ITPR3: variants seen among roughly 807,000 people sequenced by gnomAD.
The protein encoded by ITPR3 is inositol 1,4,5-trisphosphate-gated calcium channel ITPR3.
A neutral mutation model predicts 293.2 loss-of-function variants in ITPR3; 173 were observed. That is an observed-to-expected ratio of 0.59 (90% CI 0.52 to 0.67). The LOEUF is 0.67. Ranked by LOEUF, ITPR3 falls within the 30% of genes least tolerant of loss-of-function variation. ITPR3 has a pLI of 0.00. For synonymous variants in ITPR3, 1,295 were observed against 1,444.4 expected, an observed-to-expected ratio of 0.90 and a Z score of 2.35; for missense variants, 2,796 against 3,592.1, an observed-to-expected ratio of 0.78 and a Z score of 5.66.
In ITPR3 at chr6:33,679,394, G is replaced by A. The variant is rs980582036; in HGVS notation, c.3973-488G>A. Reference sequence around the variant, plus strand: ...ACAGTGTAGGCGGCAGGGGGAGAAAGAAGCAAACACTGAAGGGAGATTAGG... The same window carrying A: ...ACAGTGTAGGCGGCAGGGGGAGAAAAAAGCAAACACTGAAGGGAGATTAGG... On this transcript the variant is annotated intron_variant, in intron 30 of 57. Coordinates refer to ENST00000605930, the MANE Select transcript of ITPR3 (RefSeq NM_002224.4). The surrounding 1 kb of genome is among the most constrained non-coding windows in gnomAD (Gnocchi z 4.2). Among the ~76,000 whole-genome samples the A allele has an allele frequency of 2.6e-5, 4 of 152,216 alleles. No homozygotes were observed. The highest frequency in any genetic ancestry group is 5.9e-5 in the Non-Finnish European group (4 of 68,026).
chr6:33,675,109 A>C lies in ITPR3; in HGVS notation c.3117-582A>C, dbSNP rs1764870792. ...ATCCATGAATCCCCCGCATGGTGGC[A>C]GTGGGATCTGTGTTAAGAGTCCTTG... On this transcript the variant is annotated intron_variant, in intron 24 of 57. Coordinates refer to ENST00000605930, the MANE Select transcript of ITPR3 (RefSeq NM_002224.4). This position sits in a 1 kb window ranked among gnomAD's most constrained non-coding sequence, Gnocchi z 5.0. 6.6e-6 allele frequency among the ~76,000 whole-genome samples: 1 copy of C among 152,194 alleles called. No individual in the cohort carries two copies. The highest frequency in any genetic ancestry group is 2.1e-4 in the South Asian group (1 of 4,828).
chr6:33,655,744 C>A lies in ITPR3; in HGVS notation c.161-22C>A. 6.2e-7 allele frequency: 1 copy of A among 1,613,782 alleles called. No individual in the cohort carries two copies. Reference sequence around the variant, plus strand: ...AGCCCCAGATGAATCATTCCCCTCACCCCCAACCTGCCCCACCACAGACTG... The same window carrying A: ...AGCCCCAGATGAATCATTCCCCTCAACCCCAACCTGCCCCACCACAGACTG... On this transcript the variant is annotated intron_variant, in intron 2 of 57. Coordinates refer to ENST00000605930, the MANE Select transcript of ITPR3 (RefSeq NM_002224.4). This position sits in a 1 kb window ranked among gnomAD's most constrained non-coding sequence, Gnocchi z 4.9.
intron 7 of ITPR3, among the ~76,000 whole-genome samples, chr6:33,662,162 C>T (rs59962157): frequency 1.3e-4 from 20 of 151,990 alleles, no homozygotes; most frequent in Non-Finnish European, 2.8e-4. Flanking sequence ...GCCATGGCCC[C>T]GGGGACACTG....
rs542830036 is a variant in ITPR3, at chr6:33,633,813, G to GGCGGGGCGGGC, written c.90-6649_90-6639dup. ...AGCTCGCGGGCCGGGCCAGGCTGGG[G>GGCGGGGCGGGC]GCGGGGCGGGCGCGGGGCGGGCGCG... is the stretch of plus-strand genomic sequence containing the variant. On this transcript the variant is annotated intron_variant, in intron 1 of 57. Coordinates refer to ENST00000605930, the MANE Select transcript of ITPR3 (RefSeq NM_002224.4). This position sits in a 1 kb window ranked among gnomAD's most constrained non-coding sequence, Gnocchi z 5.2. Among the ~76,000 whole-genome samples, 40 of 141,142 alleles carry GGCGGGGCGGGC rather than the reference G, an allele frequency of 2.8e-4. No individual in the cohort carries two copies. The highest frequency in any genetic ancestry group is 6.6e-4 in the South Asian group (3 of 4,518). 92.6% of individuals were successfully genotyped at this position (141,142 alleles called of 152,430 possible). A position where few individuals can be genotyped will look rare whatever the true frequency, so the allele number is the denominator to read the frequency against.
At chr6:33,685,326 T>G in intron 39 of ITPR3, 33 bp from the exon 40 acceptor site, 1 of 1,588,404 alleles carries the variant, frequency 6.3e-7, no homozygotes, top group Non-Finnish European at 8.6e-7. Context: ...GGCCCAGTGC[T>G]GAGGTTGTTC....
At chr6:33,677,202 A>G in intron 27 of ITPR3, 113 bp downstream of exon 27, 3 of 988,934 alleles carry the variant, frequency 3.0e-6, no homozygotes, top group Non-Finnish European at 4.7e-6. Flanking sequence ...CCCTCACAAG[A>G]GACATCTTTC....
chr6:33,657,639 A>G (rs140027672), intron 3 of ITPR3, among the ~76,000 whole-genome samples: 48 of 151,908 alleles, frequency 3.2e-4, no homozygotes, highest in East Asian at 5.8e-4. Context: ...GGGATGCTCA[A>G]GGTCCTGCTG....
At position 33,666,111 on chromosome 6, in the gene ITPR3, A is replaced by C. The variant is rs1764603305; in HGVS notation, c.1551+135A>C. The C allele has an allele frequency of 2.0e-6, 2 of 997,648 alleles. No individual in the cohort carries two copies. Among genetic ancestry groups the C allele is most frequent in the Non-Finnish European group, 2.9e-6 (2 of 697,938 alleles). 61.8% of individuals were successfully genotyped at this position (997,648 alleles called of 1,614,324 possible). A position where few individuals can be genotyped will look rare whatever the true frequency, so the allele number is the denominator to read the frequency against. On this transcript the variant is annotated intron_variant, in intron 14 of 57. Transcript: ENST00000605930. The surrounding 1 kb of genome is among the most constrained non-coding windows in gnomAD (Gnocchi z 5.1). ...CGACCACGTGCCAGGGACTTCCCTA[A>C]GTACCCCACATGTGTTGACGAATTT...
chr6:33,629,950 G>T (rs1307963779), intron 1 of ITPR3, among the ~76,000 whole-genome samples: 1 of 152,028 alleles, frequency 6.6e-6, no homozygotes, highest in Non-Finnish European at 1.5e-5. Context: ...AATTAGCTGG[G>T]CATCGTGGCA....
chr6:33,695,393 G>C, intron 57 of ITPR3: 1 of 560,948 alleles, frequency 1.8e-6, no homozygotes, highest in South Asian at 2.2e-5. Flanking sequence ...CATCACTGGA[G>C]ATGGGGGAGT....
intron 39 of ITPR3, 112 bp downstream of exon 39, chr6:33,685,055 C>G: frequency 1.6e-6 from 2 of 1,251,148 alleles, no homozygotes; most frequent in Non-Finnish European, 2.2e-6. Flanking sequence ...AGAGGAGAGG[C>G]CTGAGCAGTG....
At position 33,674,168 on chromosome 6, in the gene ITPR3, T is replaced by C. The variant is rs369651733; in HGVS notation, c.3059-40T>C. The C allele has an allele frequency of 4.3e-6, 7 of 1,612,038 alleles. No individual in the cohort carries two copies. The African/African-American group carries it at 8.0e-5, about 18-fold the overall frequency. On this transcript the variant is annotated intron_variant, in intron 23 of 57. Transcript: ENST00000605930. ...CCCTGTGCTCCCCTCTTTCCCGGGC[T>C]GGGCCTACAATCTGCTTCCATCTGC...
In ITPR3 at chr6:33,670,501, A is replaced by AC. The variant is rs1739584389; in HGVS notation, c.2371dup (p.Gln791ProfsTer15). ...ATGCTGCACGTGCACGTGGACCGTG[A>AC]CCCCCAGGAGCTGGTCACGCCGGTC... On this transcript the variant is annotated frameshift_variant, in exon 19 of 58. Coordinates refer to ENST00000605930, the MANE Select transcript of ITPR3 (RefSeq NM_002224.4). LOFTEE classifies it high-confidence loss of function. This position sits in a 1 kb window ranked among gnomAD's most constrained non-coding sequence, Gnocchi z 6.7. 6.2e-7 allele frequency: 1 copy of AC among 1,603,054 alleles called. No homozygotes were observed. The highest frequency in any genetic ancestry group is 8.5e-7 in the Non-Finnish European group (1 of 1,175,710).
rs772496520 is a variant in ITPR3, at chr6:33,668,517, T to C, written c.1889T>C (p.Phe630Ser). 1.2e-6 allele frequency: 2 copies of C among 1,614,138 alleles called. No individual in the cohort carries two copies. Among genetic ancestry groups the C allele is most frequent in the South Asian group, 2.2e-5 (2 of 91,086 alleles). ...SLVRKNREPRFLDYLSDLCVS... is the reference protein window; with the variant it reads ...SLVRKNREPRSLDYLSDLCVS... ...ACCGCTGGCTGTCACCACCCCAGGT[T>C]CCTGGACTACCTCTCTGACCTGTGT... is the stretch of plus-strand genomic sequence containing the variant. Residue 630 changes from phenylalanine to serine, a missense_variant and splice_region_variant, in exon 17 of 58, where the codon TTC becomes TCC. By Grantham distance (155) the Phe-to-Ser change is radical. Around this residue, in one of 8 missense-constraint regions of ITPR3, gnomAD observed 955 missense variants for 1,180.8 expected, o/e 0.81. Transcript: ENST00000605930.
intron 1 of ITPR3, among the ~76,000 whole-genome samples, chr6:33,631,195 A>G (rs188029571): frequency 5.5e-4 from 84 of 152,338 alleles, no homozygotes; most frequent in South Asian, 1.4e-3. Context: ...TGTTCTCCCC[A>G]TGTGCGGAGA....
Position 33,659,076 on chromosome 6 carries a change from A to G in ITPR3, c.584A>G (p.His195Arg). 6.2e-7 allele frequency: 1 copy of G among 1,614,052 alleles called. No individual in the cohort carries two copies. The highest frequency in any genetic ancestry group is 8.5e-7 in the Non-Finnish European group (1 of 1,179,982). Residue 195 changes from histidine to arginine, a missense_variant, in exon 6 of 58, where the codon CAT becomes CGT. By Grantham distance (29) the His-to-Arg change is conservative. Transcript: ENST00000605930. ...LNPVNAGQPL[H>R]ASNYELSDNA... The stretch of plus-strand genomic sequence containing the variant: ...CCTGTCAATGCCGGGCAGCCTCTGC[A>G]TGCCAGCAATTACGAGCTCAGCGAC...
chr6:33,648,455 G>GC (rs1484705343), intron 2 of ITPR3, among the ~76,000 whole-genome samples: 2 of 151,882 alleles, frequency 1.3e-5, no homozygotes, highest in African/African-American at 2.4e-5. Flanking sequence ...CTCTTCCATT[G>GC]CCCCCCTCAT....
intron 2 of ITPR3, among the ~76,000 whole-genome samples, chr6:33,648,018 C>A (rs1197787924): frequency 1.3e-5 from 2 of 151,642 alleles, no homozygotes; most frequent in African/African-American, 2.4e-5. Context: ...GTTTCTTCTG[C>A]TAGCTACCCC....
Position 33,674,241 on chromosome 6 carries a change from A to G in ITPR3, c.3092A>G (p.Gln1031Arg). 1 of 1,614,032 alleles carries G rather than the reference A, an allele frequency of 6.2e-7. No individual in the cohort carries two copies. The highest frequency in any genetic ancestry group is 1.7e-4 in the Middle Eastern group (1 of 6,058). Residue 1031 changes from glutamine to arginine, a missense_variant, in exon 24 of 58, where the codon CAG (glutamine) becomes CGG (arginine). Physicochemically the swap from Gln to Arg is conservative, Grantham distance 43. Around this residue, in one of 8 missense-constraint regions of ITPR3, gnomAD observed 955 missense variants for 1,180.8 expected, o/e 0.81. Coordinates refer to ENST00000605930, the MANE Select transcript of ITPR3 (RefSeq NM_002224.4). Reference protein sequence around the residue: ...ANMNLDRIGEQAEAMFGVGKT... With the variant: ...ANMNLDRIGERAEAMFGVGKT... Reference sequence around the variant, plus strand: ...ATGAACCTGGATCGCATCGGGGAGCAGGCGGAGGCCATGTTTGGAGTGGGG... The same window carrying G: ...ATGAACCTGGATCGCATCGGGGAGCGGGCGGAGGCCATGTTTGGAGTGGGG...
Sources: gnomAD v4.1 joint callset for allele counts (sites outside exome capture counted in the v4.1 genomes callset) on GRCh38, gnomAD v4.1.1 for gene constraint, gnomAD v4.1.1 regional missense constraint, Gnocchi (gnomAD v3.1) non-coding constraint, MANE v1.5 for transcripts, NCBI Gene and HGNC (gene_info 2026-07-23, HGNC 2026-07-21) for gene names.